Variants in DNAJC5 observed in about 807,000 individuals in gnomAD.
DNAJC5 encodes the protein dnaJ homolog subfamily C member 5.
In DNAJC5, 1 loss-of-function variant was observed where a neutral mutation model predicts 23.2. The ratio of observed to expected loss-of-function variants is 0.04; its 90% CI spans 0.02 to 0.20. The LOEUF is 0.20. DNAJC5 is among the 10% of genes least tolerant of loss of function. DNAJC5 has a pLI of 1.00. For synonymous variants in DNAJC5, 136 were observed against 120.0 expected (o/e 1.13, Z -0.87); for missense variants, 180 against 267.0 (o/e 0.67, Z 2.27).
chr20:63,926,656 G>C (rs1439115127), intron 1 of DNAJC5, among the ~76,000 whole-genome samples: 3 of 152,224 alleles, frequency 2.0e-5, no homozygotes, highest in African/African-American at 7.2e-5. Flanking sequence ...GACAGGAGGA[G>C]ACACGTGGCC....
chr20:63,906,423 G>A (rs2053448604), intron 1 of DNAJC5, among the ~76,000 whole-genome samples: 1 of 152,160 alleles, frequency 6.6e-6, no homozygotes, highest in Non-Finnish European at 1.5e-5. Context: ...CCAGAAGGCG[G>A]AGGTTGCAGT....
At chr20:63,918,448 TGAG>T (rs1375752963) in intron 1 of DNAJC5, among the ~76,000 whole-genome samples, 2 of 152,130 alleles carry the variant, frequency 1.3e-5, no homozygotes, top group Non-Finnish European at 1.5e-5. Context: ...GGGATAAACA[TGAG>T]GTAATTTTTT....
Position 63,932,028 on chromosome 20 carries a change from G to A in DNAJC5, c.*460G>A, listed in dbSNP as rs562923666. 3.8e-5 allele frequency: 12 copies of A among 314,142 alleles called. No homozygotes were observed. In the East Asian group the frequency reaches 9.5e-4, roughly 25 times the overall value. 19.5% of individuals were successfully genotyped at this position (314,142 alleles called of 1,614,324 possible). A position where few individuals can be genotyped will look rare whatever the true frequency, so the allele number is the denominator to read the frequency against. ...AGCTGTGTTACCGTCTTGGCCTCGG[G>A]GTCTGGTCCACACTCTGTGCTCCCA... On this transcript the variant is annotated 3_prime_UTR_variant, in exon 5 of 5. Transcript: ENST00000360864. The surrounding 1 kb of genome is among the most constrained non-coding windows in gnomAD (Gnocchi z 4.4).
chr20:63,907,828 C>T (rs780805991), intron 1 of DNAJC5, among the ~76,000 whole-genome samples: 1 of 152,186 alleles, frequency 6.6e-6, no homozygotes, highest in East Asian at 1.9e-4. Context: ...TGCAGTGGCG[C>T]GATCTCGGCT....
chr20:63,912,234 C>T lies in DNAJC5; in HGVS notation c.-11-16101C>T, dbSNP rs557957786. ...AGGAGAATCGCTTGAACCCGGGAGG[C>T]GGAGGTTGCAGTGAGCTGAAAGTGC... On this transcript the variant is annotated intron_variant, in intron 1 of 4. Transcript: ENST00000360864. 6.0e-5 allele frequency among the ~76,000 whole-genome samples: 9 copies of T among 149,262 alleles called. No homozygotes were observed. In the East Asian group the frequency reaches 1.2e-3, roughly 20 times the overall value.
chr20:63,896,100 A>G (rs2053373712), intron 1 of DNAJC5, among the ~76,000 whole-genome samples: 1 of 152,156 alleles, frequency 6.6e-6, no homozygotes, highest in African/African-American at 2.4e-5. Context: ...GGAAGATTTG[A>G]TGGTGGTTAG....
intron 1 of DNAJC5, among the ~76,000 whole-genome samples, chr20:63,910,138 C>G (rs1336916488): frequency 6.6e-6 from 1 of 152,144 alleles, no homozygotes; most frequent in East Asian, 1.9e-4. Context: ...GTTCTAGGCC[C>G]CCTTTGTATG....
intron 1 of DNAJC5, among the ~76,000 whole-genome samples, chr20:63,902,358 CTTTTTTTTTTTT>C (rs34309020): frequency 4.8e-5 from 4 of 83,328 alleles, no homozygotes; most frequent in East Asian, 5.1e-4. Context: ...CTGGCCTCAT[CTTTTTTTTTTTT>C]TTTTTTTTTT....
chr20:63,935,922 C>T lies in DNAJC5; in HGVS notation c.*4354C>T, dbSNP rs1236595149. On this transcript the variant is annotated 3_prime_UTR_variant, in exon 5 of 5. Coordinates refer to ENST00000360864, the MANE Select transcript of DNAJC5 (RefSeq NM_025219.3). ...CGGCTGATCCTGGCTCGAGCACACACATCTAAGGGCCAGGCTGGTTCCGCA... is the reference window on the plus strand; with the variant it reads ...CGGCTGATCCTGGCTCGAGCACACATATCTAAGGGCCAGGCTGGTTCCGCA... 6 of 152,234 alleles carry T rather than the reference C, an allele frequency of 3.9e-5. No individual in the cohort carries two copies. The highest frequency in any genetic ancestry group is 3.9e-4 in the Admixed American group (6 of 15,284). 9.4% of individuals were successfully genotyped at this position (152,234 alleles called of 1,614,324 possible). A position where few individuals can be genotyped will look rare whatever the true frequency, so the allele number is the denominator to read the frequency against.
At chr20:63,903,733 T>C (rs574656985) in intron 1 of DNAJC5, among the ~76,000 whole-genome samples, 3 of 152,184 alleles carry the variant, frequency 2.0e-5, no homozygotes, top group East Asian at 1.9e-4. Flanking sequence ...GCAGATTACA[T>C]GAGGCCAGGA....
At chr20:63,904,984 A>G (rs2053437991) in intron 1 of DNAJC5, among the ~76,000 whole-genome samples, 1 of 150,522 alleles carries the variant, frequency 6.6e-6, no homozygotes, top group Admixed American at 6.6e-5. Context: ...TTGTATTTTT[A>G]GTCTAGACGG....
rs180964079 is a variant in DNAJC5, at chr20:63,922,227, C to T, written c.-11-6108C>T. ...CTGTAATCCCAGCACTTCGAGAGGC[C>T]GAGGCAGGCGGGTCACCTGAGGTCA... On this transcript the variant is annotated intron_variant, in intron 1 of 4. Coordinates refer to ENST00000360864, the MANE Select transcript of DNAJC5 (RefSeq NM_025219.3). Among the ~76,000 whole-genome samples the T allele has an allele frequency of 2.5e-3, 378 of 150,670 alleles. 1 individual carries two copies. The highest frequency in any genetic ancestry group is 0.015 in the Middle Eastern group (4 of 272).
intron 1 of DNAJC5, among the ~76,000 whole-genome samples, chr20:63,909,698 GAA>G (rs2053470377): frequency 6.6e-6 from 1 of 152,176 alleles, no homozygotes; most frequent in Admixed American, 6.5e-5. Context: ...GAAAAAGAAA[GAA>G]AAAAGTCTTC....
Position 63,929,372 on chromosome 20 carries a change from G to C in DNAJC5, c.168G>C (p.Lys56Asn), listed in dbSNP as rs1438841329. The C allele has an allele frequency of 6.2e-7, 1 of 1,614,154 alleles. No homozygotes were observed. Among genetic ancestry groups the C allele is most frequent in the Admixed American group, 1.7e-5 (1 of 60,028 alleles). The change falls in exon 3 of 5, where the codon AAG becomes AAC. Residue 56 changes from lysine to asparagine, a missense_variant. By Grantham distance (94) the Lys-to-Asn change is moderately conservative. Transcript: ENST00000360864. The surrounding 1 kb of genome is among the most constrained non-coding windows in gnomAD (Gnocchi z 8.6). ...CCGACAACCCGGAGGCCGCGGACAAGTTTAAGGAGATCAACAACGCGCACG... is the reference window on the plus strand; with the variant it reads ...CCGACAACCCGGAGGCCGCGGACAACTTTAAGGAGATCAACAACGCGCACG... ...KNPDNPEAAD[K>N]FKEINNAHAI...
At chr20:63,913,750 T>C (rs2053498276) in intron 1 of DNAJC5, among the ~76,000 whole-genome samples, 1 of 152,046 alleles carries the variant, frequency 6.6e-6, no homozygotes, top group African/African-American at 2.4e-5. Context: ...CCAGCTAATT[T>C]TGTATTTTTA....
At chr20:63,896,707 A>C (rs1389058974) in intron 1 of DNAJC5, among the ~76,000 whole-genome samples, 1 of 152,104 alleles carries the variant, frequency 6.6e-6, no homozygotes, top group African/African-American at 2.4e-5. Context: ...ACAGCGCTGA[A>C]TCCTCCTAGT....
In DNAJC5 at chr20:63,933,620, C is replaced by CCGTGCCGCTT. The variant is rs1160375266; in HGVS notation, c.*2058_*2067dup. ...GAGGTGGCGAGACAGTGGGGTGCCT[C>CCGTGCCGCTT]CGTGCCGCTTCGTGCAGCAGCAAGT... On this transcript the variant is annotated 3_prime_UTR_variant, in exon 5 of 5. Transcript: ENST00000360864. 3 of 152,362 alleles carry CCGTGCCGCTT rather than the reference C, an allele frequency of 2.0e-5. No homozygotes were observed. The highest frequency in any genetic ancestry group is 7.2e-5 in the African/African-American group (3 of 41,446). The allele number at this position is 152,362 out of a possible 1,614,324, so 9.4% of individuals were successfully genotyped here. A position where few individuals can be genotyped will look rare whatever the true frequency, so the allele number is the denominator to read the frequency against.
intron 1 of DNAJC5, among the ~76,000 whole-genome samples, chr20:63,914,616 C>CTT (rs753653056): frequency 6.4e-4 from 82 of 127,906 alleles, no homozygotes; most frequent in Admixed American, 1.2e-3. Context: ...CGTGCCCGGC[C>CTT]TTTTTTTTTT....
intron 1 of DNAJC5, among the ~76,000 whole-genome samples, chr20:63,925,789 G>T (rs1397344677): frequency 1.3e-5 from 2 of 148,288 alleles, no homozygotes; most frequent in African/African-American, 5.0e-5. Flanking sequence ...CTAAATATTT[G>T]GTTAAAAAAA....
Sources: allele counts gnomAD v4.1 joint callset (sites outside exome capture counted in the v4.1 genomes callset), GRCh38; gene constraint gnomAD v4.1.1; non-coding constraint Gnocchi (gnomAD v3.1); transcripts MANE v1.5; gene names NCBI Gene and HGNC (gene_info 2026-07-23, HGNC 2026-07-21).